The following USH2A variants were observed in gnomAD, a reference collection of about 807,000 sequenced individuals.
The protein encoded by USH2A is Usher syndrome 2A (autosomal recessive, mild).
Under a neutral mutation model 538.9 loss-of-function variants are expected in USH2A, and 443 were observed. That is an observed-to-expected ratio of 0.82 (90% CI 0.76 to 0.89). The LOEUF is 0.89. Ranked by LOEUF, USH2A falls within the 40% of genes least tolerant of loss-of-function variation. The probability of loss-of-function intolerance (pLI) is 0.00; values close to 1 mark genes in which losing one functional copy is unlikely to be tolerated. For synonymous variants in USH2A, 2,413 were observed against 2,273.5 expected (o/e 1.06, Z -1.75); for missense variants, 6,633 against 6,324.8 (o/e 1.05, Z -1.65).
At chr1:215,799,183 A>C in intron 49 of USH2A, 58 bp from the exon 50 acceptor site, 1 of 1,494,264 alleles carries the variant, frequency 6.7e-7, no homozygotes, top group African/African-American at 1.4e-5. Flanking sequence ...GCTATGACTA[A>C]CAATTAACTT....
chr1:216,373,015 A>T (rs369852499), intron 3 of USH2A, among the ~76,000 whole-genome samples: 1 of 152,178 alleles, frequency 6.6e-6, no homozygotes, highest in African/African-American at 2.4e-5. Context: ...TCTCCTTAAA[A>T]GTGAGTCAAC....
chr1:215,909,376 T>C (rs930446927), intron 38 of USH2A, among the ~76,000 whole-genome samples: 10 of 151,904 alleles, frequency 6.6e-5, no homozygotes, highest in Non-Finnish European at 2.9e-5. Context: ...TAAGTACATG[T>C]CATTATATAT....
At chr1:215,872,413 T>C (rs543238685) in intron 43 of USH2A, among the ~76,000 whole-genome samples, 2 of 152,288 alleles carry the variant, frequency 1.3e-5, no homozygotes, top group Non-Finnish European at 2.9e-5. Context: ...AGATTGTGAG[T>C]GAAACTTGAA....
chr1:215,734,357 C>T (rs1001122979), intron 60 of USH2A, among the ~76,000 whole-genome samples: 1 of 152,210 alleles, frequency 6.6e-6, no homozygotes, highest in Non-Finnish European at 1.5e-5. Flanking sequence ...ATTCTTTCCT[C>T]CTAGGCCTCT....
intron 3 of USH2A, among the ~76,000 whole-genome samples, chr1:216,402,105 A>C (rs1331477341): frequency 1.3e-5 from 2 of 152,166 alleles, no homozygotes; most frequent in Non-Finnish European, 2.9e-5. Context: ...CAAACTATAC[A>C]CATTAATTTC....
At chr1:215,956,505 C>T (rs752315917) in intron 37 of USH2A, among the ~76,000 whole-genome samples, 1 of 152,108 alleles carries the variant, frequency 6.6e-6, no homozygotes, top group Non-Finnish European at 1.5e-5. Flanking sequence ...TAACAGGCTC[C>T]TTTCATGAGG....
intron 58 of USH2A, among the ~76,000 whole-genome samples, chr1:215,757,549 A>G (rs1258480248): frequency 6.6e-6 from 1 of 152,220 alleles, no homozygotes; most frequent in African/African-American, 2.4e-5. Context: ...TCACAATTTC[A>G]TCTTAAGACT....
chr1:216,066,871 G>T (rs917367379), intron 30 of USH2A, among the ~76,000 whole-genome samples: 1 of 152,084 alleles, frequency 6.6e-6, no homozygotes, highest in African/African-American at 2.4e-5. Context: ...CCACAGGGAA[G>T]GTATATAGCA....
At chr1:215,646,148 G>A (rs532098468) in intron 67 of USH2A, among the ~76,000 whole-genome samples, 76 of 152,234 alleles carry the variant, frequency 5.0e-4, no homozygotes, top group African/African-American at 1.7e-3. Flanking sequence ...ATTAGTAGTG[G>A]TTGCCTCTGG....
intron 32 of USH2A, among the ~76,000 whole-genome samples, chr1:216,014,732 C>T (rs1668665722): frequency 6.6e-6 from 1 of 152,168 alleles, no homozygotes; most frequent in South Asian, 2.1e-4. Flanking sequence ...AGGCATTATC[C>T]TTAGACGTGT....
At chr1:216,040,870 T>C (rs576483410) in intron 32 of USH2A, among the ~76,000 whole-genome samples, 34 of 151,990 alleles carry the variant, frequency 2.2e-4, no homozygotes, top group African/African-American at 7.7e-4. Flanking sequence ...TTAATGGAGA[T>C]CTTGGAAAAA....
intron 52 of USH2A, 128 bp downstream of exon 52, chr1:215,786,542 T>C (rs946959998): frequency 1.3e-5 from 14 of 1,055,310 alleles, no homozygotes; most frequent in Admixed American, 1.9e-5. Flanking sequence ...CTAGCTGGCC[T>C]CAAAGTATGA....
Position 215,724,220 on chromosome 1 carries a change from A to AAC in USH2A, c.12066+3808_12066+3809dup, listed in dbSNP as rs3049512. Among the ~76,000 whole-genome samples the AAC allele has an allele frequency of 8.2e-3, 1,216 of 147,904 alleles. 15 individuals carry two copies. Among genetic ancestry groups the AAC allele is most frequent in the African/African-American group, 0.027 (1,066 of 39,898 alleles). ...ATATATGGATATATATAGAATGTGA[A>AAC]ACACACACACACACACACACACACA... On this transcript the variant is annotated intron_variant, in intron 61 of 71. Coordinates refer to ENST00000307340, the MANE Select transcript of USH2A (RefSeq NM_206933.4).
chr1:215,779,878 G>C lies in USH2A; in HGVS notation c.10904C>G (p.Thr3635Ser), dbSNP rs727505166. 3.7e-6 allele frequency: 6 copies of C among 1,614,014 alleles called. No homozygotes were observed. The South Asian group carries it at 6.6e-5, about 18-fold the overall frequency. Residue 3635 changes from threonine (T) to serine (S), a missense_variant, in exon 55 of 72, where the codon ACT becomes AGT. By Grantham distance (58) the Thr-to-Ser change is moderately conservative. Coordinates refer to ENST00000307340, the MANE Select transcript of USH2A (RefSeq NM_206933.4). ...ATGCTGTCTCCTGTCAGTGGTGTCA[G>C]TGTGGATGAGACCTTTCCCAACCTG... Reference protein sequence around the residue: ...IRQVGKGLIHTDTTDRRQHTV... With the variant: ...IRQVGKGLIHSDTTDRRQHTV...
At chr1:216,305,201 G>T (rs1475309889) in intron 9 of USH2A, among the ~76,000 whole-genome samples, 3 of 152,054 alleles carry the variant, frequency 2.0e-5, no homozygotes, top group Non-Finnish European at 4.4e-5. Context: ...GAGCTCTGGA[G>T]TTAGGTGCAT....
At chr1:216,047,255 C>T (rs137934732) in intron 31 of USH2A, among the ~76,000 whole-genome samples, 25 of 152,236 alleles carry the variant, frequency 1.6e-4, no homozygotes, top group Non-Finnish European at 3.1e-4. Flanking sequence ...GAGCAGGGAT[C>T]TCTCTGGGGC....
intron 27 of USH2A, among the ~76,000 whole-genome samples, chr1:216,073,556 A>G (rs2031638201): frequency 6.6e-6 from 1 of 152,204 alleles, no homozygotes; most frequent in African/African-American, 2.4e-5. Flanking sequence ...CTGAAAAAGC[A>G]TTTATTTTAC....
At chr1:215,885,512 A>G (rs1441931422) in intron 41 of USH2A, among the ~76,000 whole-genome samples, 2 of 152,178 alleles carry the variant, frequency 1.3e-5, no homozygotes, top group Non-Finnish European at 1.5e-5. Flanking sequence ...TAGGTGATTA[A>G]ATATTAAATA....
chr1:216,271,129 C>T (rs1189207875), intron 11 of USH2A, among the ~76,000 whole-genome samples: 2 of 152,064 alleles, frequency 1.3e-5, no homozygotes, highest in Non-Finnish European at 2.9e-5. Context: ...CACTCCTGTG[C>T]TCAGAAATAT....
Sources: allele counts gnomAD v4.1 joint callset (sites outside exome capture counted in the v4.1 genomes callset), GRCh38; gene constraint gnomAD v4.1.1; transcripts MANE v1.5; gene names NCBI Gene and HGNC (gene_info 2026-07-23, HGNC 2026-07-21).